Variants in PRORP observed in about 807,000 individuals in gnomAD.
The protein encoded by PRORP is protein only RNase P catalytic subunit, also known as mitochondrial ribonuclease P catalytic subunit.
PRORP carries 51 observed loss-of-function variants against 59.4 expected under a neutral mutation model. The observed-to-expected ratio is 0.86, with a 90% CI of 0.69 to 1.08. The LOEUF is 1.08. Ranked by LOEUF, PRORP falls within the 50% of genes least tolerant of loss-of-function variation. The probability of loss-of-function intolerance (pLI) is 0.00; values close to 1 mark genes in which losing one functional copy is unlikely to be tolerated. For synonymous variants in PRORP, 231 were observed against 245.6 expected (o/e 0.94, Z 0.55); for missense variants, 646 against 690.3 (o/e 0.94, Z 0.72).
intron 5 of PRORP, among the ~76,000 whole-genome samples, chr14:35,211,440 A>G (rs1181654759): frequency 6.6e-6 from 1 of 152,178 alleles, no homozygotes; most frequent in Admixed American, 6.5e-5. Flanking sequence ...TTGCAGAAGA[A>G]TGAATGATTC....
At chr14:35,213,068 C>G (rs2049491711) in intron 5 of PRORP, among the ~76,000 whole-genome samples, 1 of 152,292 alleles carries the variant, frequency 6.6e-6, no homozygotes, top group Middle Eastern at 3.4e-3. Flanking sequence ...CAACTTCCAG[C>G]TTTTCTTCTG....
Position 35,273,681 on chromosome 14 carries a change from T to C in PRORP, c.*115T>C. Reference sequence around the variant, plus strand: ...CTCTGTCCTGAAGATAAAAGGATTCTATTAACAGCATTGACATTGATTTTT... The same window carrying C: ...CTCTGTCCTGAAGATAAAAGGATTCCATTAACAGCATTGACATTGATTTTT... On this transcript the variant is annotated 3_prime_UTR_variant, in exon 8 of 8. Coordinates refer to ENST00000534898, the MANE Select transcript of PRORP (RefSeq NM_014672.4). 1.1e-6 allele frequency: 1 copy of C among 887,014 alleles called. No homozygotes were observed. Among genetic ancestry groups the C allele is most frequent in the East Asian group, 2.8e-5 (1 of 35,300 alleles). The allele number at this position is 887,014 out of a possible 1,614,324, so 54.9% of individuals were successfully genotyped here. A position where few individuals can be genotyped will look rare whatever the true frequency, so the allele number is the denominator to read the frequency against.
rs201898543 is a variant in PRORP, at chr14:35,271,481, T to A, written c.1620+885T>A. On this transcript the variant is annotated intron_variant, in intron 7 of 7. Coordinates refer to ENST00000534898, the MANE Select transcript of PRORP (RefSeq NM_014672.4). Reference sequence around the variant, plus strand: ...CATAAATTATAACTTCTTACATGTGTTTTTTATTTTTGTTTATTTGCAATA... The same window carrying A: ...CATAAATTATAACTTCTTACATGTGATTTTTATTTTTGTTTATTTGCAATA... Among the ~76,000 whole-genome samples the A allele has an allele frequency of 8.5e-5, 13 of 152,250 alleles. No homozygotes were observed. In the East Asian group the frequency reaches 2.3e-3, roughly 27 times the overall value.
chr14:35,193,948 T>C (rs2048948031), intron 5 of PRORP, among the ~76,000 whole-genome samples: 1 of 152,224 alleles, frequency 6.6e-6, no homozygotes, highest in Admixed American at 6.5e-5. Flanking sequence ...TTGAAGAACA[T>C]ACTGTCTTCA....
intron 4 of PRORP, among the ~76,000 whole-genome samples, chr14:35,146,954 C>T (rs1049070340): frequency 4.0e-5 from 6 of 151,846 alleles, no homozygotes; most frequent in African/African-American, 1.5e-4. Context: ...TTAGTTAGCT[C>T]GGCTTGGTGG....
intron 2 of PRORP, among the ~76,000 whole-genome samples, chr14:35,125,153 G>A (rs910928055): frequency 1.2e-4 from 18 of 152,056 alleles, no homozygotes; most frequent in African/African-American, 4.3e-4. Flanking sequence ...GAACCACCGC[G>A]TCCGGCCTAT....
Position 35,165,002 on chromosome 14 carries a change from G to T in PRORP, c.1168-15668G>T, listed in dbSNP as rs139060232. Among the ~76,000 whole-genome samples, 58 of 152,306 alleles carry T rather than the reference G, an allele frequency of 3.8e-4. No individual in the cohort carries two copies. The East Asian group carries it at 0.011, about 29-fold the overall frequency. On this transcript the variant is annotated intron_variant, in intron 4 of 7. Transcript: ENST00000534898. Reference sequence around the variant, plus strand: ...AGGTACCTTGCAGGGAAGGGCAGCAGTCTTGATTGGCACGCCTTGCTTAAG... The same window carrying T: ...AGGTACCTTGCAGGGAAGGGCAGCATTCTTGATTGGCACGCCTTGCTTAAG...
chr14:35,133,744 C>T (rs1208127325), intron 4 of PRORP, among the ~76,000 whole-genome samples: 1 of 152,178 alleles, frequency 6.6e-6, no homozygotes, highest in Non-Finnish European at 1.5e-5. Flanking sequence ...GAGGTACTGC[C>T]TTCATGGCCT....
chr14:35,273,072 T>TTTCAATC (rs2051235300), intron 7 of PRORP, among the ~76,000 whole-genome samples: 1 of 152,196 alleles, frequency 6.6e-6, no homozygotes, highest in African/African-American at 2.4e-5. Context: ...TTTCATATAT[T>TTTCAATC]TTCAATCTGT....
At chr14:35,192,536 G>A (rs1288649657) in intron 5 of PRORP, among the ~76,000 whole-genome samples, 3 of 152,160 alleles carry the variant, frequency 2.0e-5, no homozygotes, top group African/African-American at 7.2e-5. Context: ...TGATCAGGGA[G>A]GGAATTCTAA....
At position 35,168,764 on chromosome 14, in the gene PRORP, C is replaced by T. The variant is rs922136021; in HGVS notation, c.1168-11906C>T. Among the ~76,000 whole-genome samples the T allele has an allele frequency of 1.6e-4, 25 of 152,210 alleles. 1 individual carries two copies. Among genetic ancestry groups the T allele is most frequent in the Middle Eastern group, 3.4e-3 (1 of 294 alleles). On this transcript the variant is annotated intron_variant, in intron 4 of 7. Transcript: ENST00000534898. Reference sequence around the variant, plus strand: ...TCAAGGGCATTGTATCAAGGACCCCCGTATGTGACTATTAGTGATGACTTT... The same window carrying T: ...TCAAGGGCATTGTATCAAGGACCCCTGTATGTGACTATTAGTGATGACTTT...
At position 35,180,628 on chromosome 14, in the gene PRORP, A is replaced by C. The variant is rs951768852; in HGVS notation, c.1168-42A>C. On this transcript the variant is annotated intron_variant, in intron 4 of 7. Coordinates refer to ENST00000534898, the MANE Select transcript of PRORP (RefSeq NM_014672.4). ...GCAGTGTGTTTATAATAAAGTCCTT[A>C]CTGAGTTCTTATTAATGTTTTGTCT... 9.0e-6 allele frequency: 11 copies of C among 1,223,792 alleles called. No individual in the cohort carries two copies. The African/African-American group carries it at 1.6e-4, about 18-fold the overall frequency. The allele number at this position is 1,223,792 out of a possible 1,614,324, so 75.8% of individuals were successfully genotyped here. A position where few individuals can be genotyped will look rare whatever the true frequency, so the allele number is the denominator to read the frequency against.
chr14:35,238,647 T>G lies in PRORP; in HGVS notation c.1276-28080T>G, dbSNP rs529800273. On this transcript the variant is annotated intron_variant, in intron 5 of 7. Transcript: ENST00000534898. ...ATTAAACCTCTTAATTCTCTTAAAATCTTAACCTTTTTAAGATTAAGATTC... is the reference window on the plus strand; with the variant it reads ...ATTAAACCTCTTAATTCTCTTAAAAGCTTAACCTTTTTAAGATTAAGATTC... 2.4e-4 allele frequency among the ~76,000 whole-genome samples: 36 copies of G among 152,328 alleles called. No homozygotes were observed. In the South Asian group the frequency reaches 3.1e-3, roughly 13 times the overall value.
chr14:35,184,436 G>A (rs532021635), intron 5 of PRORP, among the ~76,000 whole-genome samples: 40 of 152,182 alleles, frequency 2.6e-4, no homozygotes, highest in African/African-American at 9.6e-4. Flanking sequence ...TACAGAATTA[G>A]CTATACATTG....
intron 5 of PRORP, among the ~76,000 whole-genome samples, chr14:35,256,477 G>A (rs1392597597): frequency 1.3e-5 from 2 of 150,438 alleles, no homozygotes; most frequent in Admixed American, 6.6e-5. Flanking sequence ...GATTACAGGC[G>A]CCTGCCACCA....
chr14:35,139,226 G>A (rs1198426189), intron 4 of PRORP, among the ~76,000 whole-genome samples: 1 of 145,650 alleles, frequency 6.9e-6, no homozygotes, highest in Non-Finnish European at 1.5e-5. Context: ...TAAGGTTCTG[G>A]GATTACAGGT....
intron 4 of PRORP, among the ~76,000 whole-genome samples, chr14:35,128,680 A>G (rs1479097392): frequency 2.0e-5 from 3 of 151,866 alleles, no homozygotes; most frequent in African/African-American, 7.3e-5. Context: ...ATTTGTTGTA[A>G]TGTCTTCTTT....
intron 5 of PRORP, among the ~76,000 whole-genome samples, chr14:35,210,526 G>A (rs752618001): frequency 4.0e-5 from 6 of 151,696 alleles, no homozygotes; most frequent in African/African-American, 9.7e-5. Context: ...GAAGTCAGCA[G>A]GAGTGGCAAG....
intron 5 of PRORP, among the ~76,000 whole-genome samples, chr14:35,230,385 C>T (rs192275417): frequency 6.6e-6 from 1 of 152,318 alleles, no homozygotes; most frequent in Admixed American, 6.5e-5. Context: ...ATGGGGAAAG[C>T]AGTATCACAT....
Sources: gnomAD v4.1 joint callset for allele counts (sites outside exome capture counted in the v4.1 genomes callset) on GRCh38, gnomAD v4.1.1 for gene constraint, MANE v1.5 for transcripts, NCBI Gene and HGNC (gene_info 2026-07-23, HGNC 2026-07-21) for gene names.